Variants in PUDP observed in about 807,000 individuals in gnomAD.
PUDP encodes the protein pseudouridine 5'-phosphatase.
In PUDP, 8 loss-of-function variants were observed where a neutral mutation model predicts 9.4. That is an observed-to-expected ratio of 0.85 (90% CI 0.50 to 1.53). The LOEUF is 1.53. PUDP is among the 40% of genes most tolerant of loss of function. PUDP has a pLI of 0.00. For synonymous variants in PUDP, 99 were observed against 80.7 expected, an observed-to-expected ratio of 1.23 and a Z score of -1.22; for missense variants, 188 against 189.7, an observed-to-expected ratio of 0.99 and a Z score of 0.05.
At chrX:7,125,587 C>T (rs1001830579) in intron 1 of PUDP, among the ~76,000 whole-genome samples, 1 of 111,786 alleles carries the variant, frequency 8.9e-6, no homozygotes, top group Non-Finnish European at 1.9e-5. Context: ...AGGCCCTCCG[C>T]TACCCTTCCA....
chrX:7,058,781 T>C lies in PUDP; in HGVS notation c.511-8309A>G, dbSNP rs191091192. ...TTATTAATTAGTACTTTTGTTTATA[T>C]TATTCATCAATCCATCCATCTGTCC... On this transcript the variant is annotated intron_variant, in intron 3 of 3. Coordinates refer to ENST00000381077, the MANE Select transcript of PUDP (RefSeq NM_012080.5). Among the ~76,000 whole-genome samples, 30 of 111,977 alleles carry C rather than the reference T, an allele frequency of 2.7e-4. No homozygotes were observed. In the East Asian group the frequency reaches 6.8e-3, roughly 25 times the overall value.
chrX:6,913,968 C>G (rs1307336003), intron 3 of PUDP, among the ~76,000 whole-genome samples: 2 of 110,037 alleles, frequency 1.8e-5, no homozygotes, highest in African/African-American at 6.6e-5. Context: ...GAGGTAGAGA[C>G]CATCCTGGCT....
At chrX:6,745,631 G>C (rs142087505) in intron 3 of PUDP, among the ~76,000 whole-genome samples, 1,171 of 110,644 alleles carry the variant, frequency 0.011, 15 homozygotes, top group South Asian at 0.091. Context: ...GTCACATGCT[G>C]TTTGTTTGTT....
intron 1 of PUDP, among the ~76,000 whole-genome samples, chrX:7,119,324 T>C (rs2146913347): frequency 8.9e-6 from 1 of 112,821 alleles, no homozygotes; most frequent in South Asian, 3.6e-4. Context: ...TATTTTGTGC[T>C]TTATATATAC....
chrX:7,142,396 T>C (rs1298513700), intron 1 of PUDP, among the ~76,000 whole-genome samples: 1 of 111,977 alleles, frequency 8.9e-6, no homozygotes, highest in Non-Finnish European at 1.9e-5. Flanking sequence ...GTGATGGAAA[T>C]ACCAAGAGAA....
chrX:6,946,534 A>G (rs1175419688), intron 3 of PUDP, among the ~76,000 whole-genome samples: 2 of 111,998 alleles, frequency 1.8e-5, no homozygotes, highest in Non-Finnish European at 3.8e-5. Context: ...AGTTGACAAT[A>G]TAAGGAATGA....
chrX:6,954,657 A>G (rs1305123379), intron 3 of PUDP, among the ~76,000 whole-genome samples: 2 of 112,098 alleles, frequency 1.8e-5, no homozygotes, highest in Non-Finnish European at 3.8e-5. Context: ...TGTTATGCAT[A>G]TGGTTATGGT....
intron 1 of PUDP, among the ~76,000 whole-genome samples, chrX:7,122,274 C>G (rs1247227428): frequency 9.2e-6 from 1 of 109,083 alleles, no homozygotes; most frequent in Non-Finnish European, 1.9e-5. Flanking sequence ...AATCTGATAA[C>G]CATAATGAAG....
At chrX:7,131,416 C>T (rs1932616928) in intron 1 of PUDP, among the ~76,000 whole-genome samples, 1 of 110,551 alleles carries the variant, frequency 9.0e-6, no homozygotes, top group Non-Finnish European at 1.9e-5. Flanking sequence ...AGATGTGGCA[C>T]TCTGTATTAT....
At chrX:7,063,899 T>C (rs1348996162) in intron 3 of PUDP, among the ~76,000 whole-genome samples, 2 of 111,757 alleles carry the variant, frequency 1.8e-5, no homozygotes, top group Non-Finnish European at 3.8e-5. Flanking sequence ...CAAGCTACCT[T>C]GGCCTCGCTA....
intron 2 of PUDP, among the ~76,000 whole-genome samples, chrX:7,104,278 T>C (rs1370036166): frequency 8.9e-6 from 1 of 111,939 alleles, no homozygotes; most frequent in Non-Finnish European, 1.9e-5. Context: ...GAGGGCATTA[T>C]GCTAAGTGAA....
intron 3 of PUDP, among the ~76,000 whole-genome samples, chrX:6,773,171 T>G (rs944414465): frequency 2.7e-5 from 3 of 112,139 alleles, no homozygotes; most frequent in African/African-American, 9.7e-5. Flanking sequence ...CCATGTTGGT[T>G]GTGCTGTCTT....
intron 1 of PUDP, among the ~76,000 whole-genome samples, chrX:7,143,215 T>C (rs185428436): frequency 9.0e-5 from 10 of 111,387 alleles, no homozygotes; most frequent in African/African-American, 2.0e-4. Flanking sequence ...GTACACCTAA[T>C]AGAATACAGT....
At chrX:6,941,338 TG>T (rs1224081077) in intron 3 of PUDP, among the ~76,000 whole-genome samples, 1 of 93,574 alleles carries the variant, frequency 1.1e-5, no homozygotes, top group African/African-American at 4.0e-5. Flanking sequence ...TTTTCTTTTC[TG>T]TCTTTTTTTT....
intron 3 of PUDP, among the ~76,000 whole-genome samples, chrX:6,751,600 C>G (rs1180763391): frequency 1.8e-5 from 2 of 111,298 alleles, no homozygotes; most frequent in African/African-American, 3.3e-5. Flanking sequence ...AGGAGAATCT[C>G]TTGGAAGGAG....
At chrX:7,096,957 G>A (rs1931591646) in intron 2 of PUDP, among the ~76,000 whole-genome samples, 2 of 111,074 alleles carry the variant, frequency 1.8e-5, no homozygotes, top group African/African-American at 6.6e-5. Flanking sequence ...AAAATGATGT[G>A]TTTCATGAGA....
chrX:6,786,354 A>C (rs1272022576), intron 3 of PUDP, among the ~76,000 whole-genome samples: 1 of 111,909 alleles, frequency 8.9e-6, no homozygotes, highest in Non-Finnish European at 1.9e-5. Context: ...GAAGAATAGT[A>C]GTATCTCAGT....
chrX:6,879,505 T>C (rs1009438222), intron 3 of PUDP, among the ~76,000 whole-genome samples: 2 of 110,255 alleles, frequency 1.8e-5, no homozygotes, highest in African/African-American at 3.3e-5. Flanking sequence ...AAGAGCAACA[T>C]TCTAGGGTTC....
intron 1 of PUDP, among the ~76,000 whole-genome samples, chrX:7,139,775 T>A (rs1475139834): frequency 8.9e-6 from 1 of 112,047 alleles, no homozygotes; most frequent in Non-Finnish European, 1.9e-5. Flanking sequence ...GGGCACATCA[T>A]TCGGCCCAGC....
Sources: gnomAD v4.1 joint callset for allele counts (sites outside exome capture counted in the v4.1 genomes callset) on GRCh38, gnomAD v4.1.1 for gene constraint, MANE v1.5 for transcripts, NCBI Gene and HGNC (gene_info 2026-07-23, HGNC 2026-07-21) for gene names.